OXR1: variants seen among roughly 807,000 people sequenced by gnomAD.
The protein encoded by OXR1 is oxidation resistance 1.
In OXR1, 41 loss-of-function variants were observed where a neutral mutation model predicts 104.6. That is an observed-to-expected ratio of 0.39 (90% CI 0.31 to 0.51). The LOEUF (loss-of-function observed/expected upper bound fraction) is 0.51. Among genes scored for constraint, OXR1 ranks in the 20% least tolerant of loss-of-function variants. The pLI, the probability that OXR1 is intolerant of heterozygous loss-of-function variation, is 0.77. For missense variants in OXR1, 955 were observed against 1,031.9 expected, an observed-to-expected ratio of 0.93 and a Z score of 1.02; for synonymous variants, 348 against 348.4, an observed-to-expected ratio of 1.00 and a Z score of 0.01.
intron 2 of OXR1, 117 bp downstream of exon 2, chr8:106,359,753 C>T (rs1816159266): frequency 2.6e-6 from 2 of 755,820 alleles, no homozygotes; most frequent in East Asian, 5.4e-5. Context: ...ATCTGGTTTC[C>T]AAAGATTATT....
intron 2 of OXR1, among the ~76,000 whole-genome samples, chr8:106,493,454 G>A (rs987254110): frequency 2.0e-5 from 3 of 152,106 alleles, no homozygotes; most frequent in Non-Finnish European, 4.4e-5. Context: ...GACGGGCCTG[G>A]GAGCCTATTT....
chr8:106,342,825 C>T (rs1272489159), intron 1 of OXR1, among the ~76,000 whole-genome samples: 1 of 152,168 alleles, frequency 6.6e-6, no homozygotes, highest in Non-Finnish European at 1.5e-5. Context: ...CTCTCCAGCA[C>T]CGGTTGTTAA....
chr8:106,588,913 T>G (rs953592758), intron 3 of OXR1, among the ~76,000 whole-genome samples: 8 of 152,268 alleles, frequency 5.3e-5, no homozygotes, highest in Non-Finnish European at 1.2e-4. Flanking sequence ...TGTTTTAATA[T>G]CTAACTCATA....
At chr8:106,676,227 T>G (rs1177937846) in intron 3 of OXR1, among the ~76,000 whole-genome samples, 3 of 152,184 alleles carry the variant, frequency 2.0e-5, no homozygotes, top group Non-Finnish European at 4.4e-5. Flanking sequence ...ATGGATCTCT[T>G]GAAGGCAGCA....
chr8:106,467,505 T>C (rs998554850), intron 2 of OXR1, among the ~76,000 whole-genome samples: 2 of 151,900 alleles, frequency 1.3e-5, no homozygotes, highest in African/African-American at 4.8e-5. Context: ...TCCTTGCTTC[T>C]GGCCTCCATA....
intron 2 of OXR1, among the ~76,000 whole-genome samples, chr8:106,397,656 A>T (rs948824431): frequency 6.6e-6 from 1 of 152,082 alleles, no homozygotes; most frequent in African/African-American, 2.4e-5. Context: ...CCTTGAAAAA[A>T]ATCTAGCTAA....
chr8:106,637,839 G>C (rs1188394242), intron 3 of OXR1, among the ~76,000 whole-genome samples: 1 of 148,556 alleles, frequency 6.7e-6, no homozygotes, highest in African/African-American at 2.5e-5. Context: ...TCGGCTCACT[G>C]CAAGCTCTGC....
chr8:106,722,471 A>G (rs1832899556), intron 11 of OXR1, among the ~76,000 whole-genome samples: 2 of 152,226 alleles, frequency 1.3e-5, no homozygotes, highest in Admixed American at 1.3e-4. Context: ...ACTGACTTTC[A>G]TAATACGGTC....
At chr8:106,343,759 A>G (rs1815355364) in intron 1 of OXR1, among the ~76,000 whole-genome samples, 1 of 152,234 alleles carries the variant, frequency 6.6e-6, no homozygotes, top group Non-Finnish European at 1.5e-5. Context: ...GCGACTACTT[A>G]TAATGAAAGC....
At chr8:106,551,707 G>A (rs1018115983) in intron 3 of OXR1, among the ~76,000 whole-genome samples, 10 of 150,906 alleles carry the variant, frequency 6.6e-5, no homozygotes, top group South Asian at 4.2e-4. Flanking sequence ...CAGCACTTTC[G>A]GAGGCTGAGG....
chr8:106,503,641 G>A (rs1811957297), intron 2 of OXR1, among the ~76,000 whole-genome samples: 1 of 152,192 alleles, frequency 6.6e-6, no homozygotes. Flanking sequence ...GAAATGAAAA[G>A]GGGGAGAGAC....
intron 11 of OXR1, among the ~76,000 whole-genome samples, chr8:106,725,814 T>A (rs1385573847): frequency 6.6e-6 from 1 of 152,240 alleles, no homozygotes; most frequent in Non-Finnish European, 1.5e-5. Flanking sequence ...TATGACTATA[T>A]GAACAAATAA....
intron 7 of OXR1, among the ~76,000 whole-genome samples, chr8:106,693,224 A>G (rs1311795103): frequency 6.6e-6 from 1 of 152,150 alleles, no homozygotes; most frequent in Non-Finnish European, 1.5e-5. Context: ...ATAGGAAGAT[A>G]TCTAGTATTT....
At chr8:106,691,475 T>C (rs1829268004) in intron 6 of OXR1, among the ~76,000 whole-genome samples, 1 of 151,956 alleles carries the variant, frequency 6.6e-6, no homozygotes, top group Non-Finnish European at 1.5e-5. Flanking sequence ...TAATCTCATA[T>C]TCTTTTTAAA....
intron 2 of OXR1, among the ~76,000 whole-genome samples, chr8:106,505,186 A>AGT (rs1812077741): frequency 2.6e-5 from 4 of 152,236 alleles, no homozygotes; most frequent in African/African-American, 7.2e-5. Context: ...GATTTGGGAC[A>AGT]TTGTGACTGA....
chr8:106,614,490 C>T (rs759656948), intron 3 of OXR1, among the ~76,000 whole-genome samples: 14 of 152,110 alleles, frequency 9.2e-5, no homozygotes, highest in Non-Finnish European at 1.6e-4. Flanking sequence ...TTTTGACTGC[C>T]GTAAATCAGA....
chr8:106,423,014 A>G (rs1818967026), intron 2 of OXR1, among the ~76,000 whole-genome samples: 1 of 152,094 alleles, frequency 6.6e-6, no homozygotes, highest in South Asian at 2.1e-4. Context: ...AACATTCTAG[A>G]TACAATAACA....
At chr8:106,589,189 G>A (rs948410824) in intron 3 of OXR1, among the ~76,000 whole-genome samples, 7 of 152,158 alleles carry the variant, frequency 4.6e-5, no homozygotes, top group Non-Finnish European at 1.0e-4. Context: ...TGGTGAGCTG[G>A]CACCATCACA....
At chr8:106,382,326 G>GA (rs1370547645) in intron 2 of OXR1, among the ~76,000 whole-genome samples, 36 of 148,216 alleles carry the variant, frequency 2.4e-4, no homozygotes, top group African/African-American at 5.4e-4. Context: ...ATCCCCAAGT[G>GA]AAAAAAAAAA....
Sources: gnomAD v4.1 joint callset for allele counts (sites outside exome capture counted in the v4.1 genomes callset) on GRCh38, gnomAD v4.1.1 for gene constraint, MANE v1.5 for transcripts, NCBI Gene and HGNC (gene_info 2026-07-23, HGNC 2026-07-21) for gene names.